TPH2: variants seen among roughly 807,000 people sequenced by gnomAD.
TPH2 encodes the protein tryptophan 5-hydroxylase 2.
Under a neutral mutation model 59.1 loss-of-function variants are expected in TPH2, and 27 were observed. That is an observed-to-expected ratio of 0.46 (90% CI 0.34 to 0.63). The LOEUF (loss-of-function observed/expected upper bound fraction) is 0.63, where lower values mean the gene tolerates loss of function less well. Among genes scored for constraint, TPH2 ranks in the 30% least tolerant of loss-of-function variants. The pLI is 0.01. For missense variants in TPH2, 523 were observed against 588.3 expected, an observed-to-expected ratio of 0.89 and a Z score of 1.15; for synonymous variants, 220 against 210.5, an observed-to-expected ratio of 1.05 and a Z score of -0.39.
rs1402900849 is a variant in TPH2, at chr12:71,963,016, G to A, written c.609-9503G>A. Among the ~76,000 whole-genome samples the A allele has an allele frequency of 1.1e-4, 6 of 53,666 alleles. 3 individuals are homozygous for A. Among genetic ancestry groups the A allele is most frequent in the Non-Finnish European group, 1.9e-4 (4 of 20,856 alleles). The allele number at this position is 53,666 out of a possible 152,430, so 35.2% of individuals were successfully genotyped here. A position where few individuals can be genotyped will look rare whatever the true frequency, so the allele number is the denominator to read the frequency against. ...TTACAGATGTGAGCCACCGTGCCTG[G>A]CCTGAACACCTCTGCATTCCAGGCT... On this transcript the variant is annotated intron_variant, in intron 5 of 10. Coordinates refer to ENST00000333850, the MANE Select transcript of TPH2 (RefSeq NM_173353.4).
chr12:71,991,143 A>G (rs185788886), intron 7 of TPH2, among the ~76,000 whole-genome samples: 29 of 152,312 alleles, frequency 1.9e-4, no homozygotes, highest in African/African-American at 2.6e-4. Context: ...TCCTTTTTCT[A>G]TCATGGAGAA....
intron 9 of TPH2, among the ~76,000 whole-genome samples, 159 bp downstream of exon 9, chr12:72,022,653 C>A (rs138639579): frequency 1.0e-3 from 157 of 152,306 alleles, no homozygotes; most frequent in African/African-American, 3.7e-3. Context: ...CCTCACTTTT[C>A]GCACTTGTGA....
intron 8 of TPH2, among the ~76,000 whole-genome samples, chr12:72,015,841 G>T (rs561914843): frequency 9.9e-5 from 15 of 152,252 alleles, no homozygotes; most frequent in African/African-American, 3.4e-4. Flanking sequence ...TGGTGGGGAG[G>T]GTGCGGGGGA....
chr12:71,951,001 G>A (rs1260263973), intron 5 of TPH2, among the ~76,000 whole-genome samples: 1 of 151,998 alleles, frequency 6.6e-6, no homozygotes, highest in Non-Finnish European at 1.5e-5. Flanking sequence ...TAAAAACCAG[G>A]ACCACATGGC....
intron 5 of TPH2, among the ~76,000 whole-genome samples, chr12:71,968,610 A>C (rs185893582): frequency 7.2e-5 from 11 of 152,326 alleles, no homozygotes; most frequent in South Asian, 2.1e-4. Context: ...TTGGGAAAGA[A>C]AGTGCCCTAC....
At chr12:71,969,657 C>A (rs988389441) in intron 5 of TPH2, among the ~76,000 whole-genome samples, 7 of 152,170 alleles carry the variant, frequency 4.6e-5, no homozygotes, top group Admixed American at 2.6e-4. Flanking sequence ...ATGAGATTTT[C>A]TACATATGAA....
chr12:71,959,924 C>T (rs144456830), intron 5 of TPH2, among the ~76,000 whole-genome samples: 4 of 151,958 alleles, frequency 2.6e-5, no homozygotes, highest in South Asian at 4.2e-4. Flanking sequence ...TTTTTCCTTT[C>T]GCTGCCCTTT....
chr12:72,016,856 T>C (rs1873267977), intron 8 of TPH2, among the ~76,000 whole-genome samples: 2 of 152,132 alleles, frequency 1.3e-5, no homozygotes, highest in South Asian at 4.2e-4. Context: ...TCCTAGAAGT[T>C]TATATGTATC....
At chr12:72,008,363 A>G (rs1364571481) in intron 8 of TPH2, among the ~76,000 whole-genome samples, 1 of 152,192 alleles carries the variant, frequency 6.6e-6, no homozygotes. Context: ...CCTAATCAGA[A>G]TGTAATTTCT....
At chr12:72,030,658 A>G (rs867026615) in intron 9 of TPH2, among the ~76,000 whole-genome samples, 5 of 152,116 alleles carry the variant, frequency 3.3e-5, no homozygotes, top group Admixed American at 6.6e-5. Context: ...GGCAATATTT[A>G]TCTGCTGTAT....
At chr12:71,998,954 T>C (rs1386270026) in intron 8 of TPH2, among the ~76,000 whole-genome samples, 1 of 152,232 alleles carries the variant, frequency 6.6e-6, no homozygotes, top group African/African-American at 2.4e-5. Context: ...TAGTGCCTGC[T>C]TTTCCTTATT....
At chr12:71,947,995 A>C (rs923967223) in intron 4 of TPH2, among the ~76,000 whole-genome samples, 4 of 152,032 alleles carry the variant, frequency 2.6e-5, no homozygotes, top group Admixed American at 1.3e-4. Flanking sequence ...TTTCTTTTTG[A>C]ATAATAAAGG....
chr12:71,999,913 A>G (rs540022796), intron 8 of TPH2, among the ~76,000 whole-genome samples: 4 of 152,340 alleles, frequency 2.6e-5, no homozygotes, highest in East Asian at 1.9e-4. Flanking sequence ...TACATTCTCA[A>G]TTACAGTTTT....
At chr12:71,957,327 ATTTTTTTTTTT>A (rs35425528) in intron 5 of TPH2, among the ~76,000 whole-genome samples, 3 of 95,596 alleles carry the variant, frequency 3.1e-5, no homozygotes, top group African/African-American at 1.2e-4. Context: ...TGAGTAAAGG[ATTTTTTTTTTT>A]TTTTTTTTTT....
At chr12:71,944,763 T>A in intron 4 of TPH2, 77 bp downstream of exon 4, 4 of 1,255,508 alleles carry the variant, frequency 3.2e-6, no homozygotes, top group Non-Finnish European at 4.7e-6. Flanking sequence ...CCATGTTCTG[T>A]GCTGCAATGC....
intron 5 of TPH2, among the ~76,000 whole-genome samples, chr12:71,959,513 A>T (rs1871617447): frequency 6.6e-6 from 1 of 152,178 alleles, no homozygotes; most frequent in South Asian, 2.1e-4. Flanking sequence ...AGGCATTTGC[A>T]ATTATTGCAA....
chr12:72,025,497 A>AT (rs1566173118), intron 9 of TPH2, among the ~76,000 whole-genome samples: 1 of 152,116 alleles, frequency 6.6e-6, no homozygotes, highest in Non-Finnish European at 1.5e-5. Context: ...GATAACTTTC[A>AT]TTTTTTCCTC....
intron 6 of TPH2, among the ~76,000 whole-genome samples, chr12:71,977,340 A>G (rs997759972): frequency 1.3e-5 from 2 of 152,158 alleles, no homozygotes; most frequent in Admixed American, 6.5e-5. Flanking sequence ...TACAGGTGTG[A>G]GCCACAGTGC....
intron 5 of TPH2, among the ~76,000 whole-genome samples, chr12:71,959,380 C>T (rs1311376448): frequency 1.2e-4 from 19 of 152,128 alleles, no homozygotes; most frequent in Non-Finnish European, 2.6e-4. Context: ...TGTTTTGCTG[C>T]CCTGCTTCTC....
Sources: allele counts gnomAD v4.1 joint callset (sites outside exome capture counted in the v4.1 genomes callset), GRCh38; gene constraint gnomAD v4.1.1; transcripts MANE v1.5; gene names NCBI Gene and HGNC (gene_info 2026-07-23, HGNC 2026-07-21).